ZCCHC14: variants seen among roughly 807,000 people sequenced by gnomAD.
The protein encoded by ZCCHC14 is zinc finger CCHC domain-containing protein 14.
ZCCHC14 carries 16 observed loss-of-function variants against 85.0 expected under a neutral mutation model. The ratio of observed to expected loss-of-function variants is 0.19; its 90% confidence interval spans 0.13 to 0.29. The LOEUF (loss-of-function observed/expected upper bound fraction) is 0.29. Among genes scored for constraint, ZCCHC14 ranks in the 10% least tolerant of loss-of-function variants. ZCCHC14 has a pLI of 1.00. For missense variants in ZCCHC14, 1,303 were observed against 1,443.5 expected (o/e 0.90, Z 1.58); for synonymous variants, 775 against 630.7 (o/e 1.23, Z -3.43).
chr16:87,454,233 GAAGA>G (rs1910844936), intron 2 of ZCCHC14, among the ~76,000 whole-genome samples: 1 of 152,060 alleles, frequency 6.6e-6, no homozygotes, highest in Admixed American at 6.6e-5. Context: ...GGAGAATGAG[GAAGA>G]AAGAATACTT....
intron 2 of ZCCHC14, among the ~76,000 whole-genome samples, chr16:87,449,620 A>G (rs548314552): frequency 6.6e-6 from 1 of 152,322 alleles, no homozygotes; most frequent in South Asian, 2.1e-4. Flanking sequence ...ATTTGCTTTC[A>G]AGGTATCTTT....
At chr16:87,419,269 C>T (rs551585053) in intron 6 of ZCCHC14, among the ~76,000 whole-genome samples, 1 of 151,100 alleles carries the variant, frequency 6.6e-6, no homozygotes, top group East Asian at 1.9e-4. Context: ...GCTGGGATTA[C>T]AGGAGCCTGC....
rs1597403333 is a variant in ZCCHC14, at chr16:87,419,761, TAACCA to T, written c.1045+17_1045+21del. 1 of 1,563,240 alleles carries T rather than the reference TAACCA, an allele frequency of 6.4e-7. No homozygotes were observed. Among genetic ancestry groups the T allele is most frequent in the Non-Finnish European group, 8.6e-7 (1 of 1,158,120 alleles). On this transcript the variant is annotated intron_variant, in intron 6 of 12. Transcript: ENST00000671377. Reference sequence around the variant, plus strand: ...GTTTTTTTTTTTTTTAATTTATATTTAACCATATTTTACAAACTCACTTGGACTCT... The same window carrying T: ...GTTTTTTTTTTTTTTAATTTATATTTTATTTTACAAACTCACTTGGACTCT...
chr16:87,444,931 T>A (rs955981537), intron 2 of ZCCHC14, among the ~76,000 whole-genome samples: 1 of 152,226 alleles, frequency 6.6e-6, no homozygotes, highest in African/African-American at 2.4e-5. Flanking sequence ...CAGTACTTAT[T>A]GTTTGCAGAA....
chr16:87,435,723 C>T (rs1047760305), intron 2 of ZCCHC14, among the ~76,000 whole-genome samples: 2 of 152,266 alleles, frequency 1.3e-5, no homozygotes, highest in East Asian at 3.8e-4. Context: ...GTGCATCTCA[C>T]GGATGCGGGA....
At chr16:87,487,206 G>A (rs1288427310) in intron 1 of ZCCHC14, among the ~76,000 whole-genome samples, 1 of 152,182 alleles carries the variant, frequency 6.6e-6, no homozygotes, top group Non-Finnish European at 1.5e-5. Context: ...GCCACAGAGA[G>A]TTCCAGAACT....
intron 4 of ZCCHC14, among the ~76,000 whole-genome samples, 166 bp downstream of exon 4, chr16:87,423,644 T>A (rs559548113): frequency 6.6e-6 from 1 of 152,366 alleles, no homozygotes; most frequent in Non-Finnish European, 1.5e-5. Flanking sequence ...GCAACGCTCA[T>A]GTCAGCAGCG....
intron 2 of ZCCHC14, among the ~76,000 whole-genome samples, chr16:87,448,316 C>G (rs1013370676): frequency 6.6e-6 from 1 of 152,196 alleles, no homozygotes; most frequent in African/African-American, 2.4e-5. Flanking sequence ...GGTTTCTTCA[C>G]AGGTGAAATC....
intron 8 of ZCCHC14, 121 bp from the exon 9 acceptor site, chr16:87,415,488 T>C (rs1473708220): frequency 2.5e-6 from 2 of 806,000 alleles, no homozygotes; most frequent in African/African-American, 3.5e-5. Flanking sequence ...CAGATCCAGC[T>C]GAACTCAGCA....
chr16:87,439,137 C>CTT (rs551734590), intron 2 of ZCCHC14, among the ~76,000 whole-genome samples: 144 of 145,750 alleles, frequency 9.9e-4, no homozygotes, highest in African/African-American at 1.2e-3. Context: ...CATACAAGTT[C>CTT]TTTTTTTTTT....
intron 2 of ZCCHC14, among the ~76,000 whole-genome samples, chr16:87,442,454 G>C (rs1228006832): frequency 6.6e-6 from 1 of 152,170 alleles, no homozygotes. Context: ...AACTACCAAA[G>C]ACACAGAAGC....
intron 10 of ZCCHC14, among the ~76,000 whole-genome samples, 166 bp downstream of exon 10, chr16:87,414,244 CCTCT>C (rs1006819000): frequency 6.6e-6 from 1 of 151,744 alleles, no homozygotes; most frequent in African/African-American, 2.4e-5. Flanking sequence ...GCACACCGGC[CCTCT>C]CTGTGTACGA....
In ZCCHC14 at chr16:87,414,513, G is replaced by A. The variant is rs768347990; in HGVS notation, c.1504C>T (p.Pro502Ser). The A allele has an allele frequency of 1.9e-6, 3 of 1,612,896 alleles. No homozygotes were observed. Among genetic ancestry groups the A allele is most frequent in the Admixed American group, 1.7e-5 (1 of 59,946 alleles). The change falls in exon 10 of 13, where the codon CCC becomes TCC. Residue 502 changes from proline (P) to serine (S), a missense_variant. Pro to Ser is a moderately conservative substitution (Grantham distance 74). Around this residue, in one of 7 missense-constraint regions of ZCCHC14, gnomAD observed 58 missense variants for 88.2 expected, o/e 0.66. Coordinates refer to ENST00000671377, the MANE Select transcript of ZCCHC14 (RefSeq NM_015144.3). ...KEKSERRCLN[P>S]SAPPLVTSSG... ...CTGGTGACCAGCGGCGGGGCCGAGG[G>A]GTTCAGGCACCGTCTCTCTGACTTC...
rs1301119395 is a variant in ZCCHC14 at position 87,467,797 on chromosome 16, G to A, written c.571-7666C>T. On this transcript the variant is annotated intron_variant, in intron 1 of 12. Transcript: ENST00000671377. ...TTCTCAAGTAGCTGGGACTACAGGC[G>A]CGCACCACCACGCCCGGCTAATTTT... is the stretch of plus-strand genomic sequence containing the variant. 6.5e-5 allele frequency: 31 copies of A among 474,204 alleles called. No homozygotes were observed. The East Asian group carries it at 8.4e-4, about 13-fold the overall frequency. The allele number at this position is 474,204 out of a possible 1,614,324, so 29.4% of individuals were successfully genotyped here. A position where few individuals can be genotyped will look rare whatever the true frequency, so the allele number is the denominator to read the frequency against.
In ZCCHC14 at chr16:87,492,164, G is replaced by A. The variant is rs1054572482; in HGVS notation, c.75C>T (p.Arg25=). ...RWFSELPSPQ[R]VEFLCGLLDL... is the part of the protein sequence containing the mutation. ...CCAGCAGGCCGCACAGGAACTCCAC[G>A]CGCTGCGGCGACGGCAGCTCCGAGA... The change falls in exon 1 of 13, where the codon CGC becomes CGT. Residue 25 remains arginine, a synonymous_variant. Coordinates refer to ENST00000671377, the MANE Select transcript of ZCCHC14 (RefSeq NM_015144.3). The surrounding 1 kb of genome is among the most constrained non-coding windows in gnomAD (Gnocchi z 6.7). 16 of 1,221,588 alleles carry A rather than the reference G, an allele frequency of 1.3e-5. No homozygotes were observed. The highest frequency in any genetic ancestry group is 1.6e-5 in the Non-Finnish European group (16 of 979,778). The allele number at this position is 1,221,588 out of a possible 1,614,324, so 75.7% of individuals were successfully genotyped here. A position where few individuals can be genotyped will look rare whatever the true frequency, so the allele number is the denominator to read the frequency against.
intron 2 of ZCCHC14, among the ~76,000 whole-genome samples, chr16:87,443,736 C>G (rs937392826): frequency 6.6e-6 from 1 of 151,458 alleles, no homozygotes; most frequent in African/African-American, 2.4e-5. Context: ...GATACTATCT[C>G]AAAAACAAAA....
intron 1 of ZCCHC14, among the ~76,000 whole-genome samples, chr16:87,480,586 G>A (rs1208705562): frequency 2.0e-5 from 3 of 152,124 alleles, no homozygotes; most frequent in Admixed American, 6.6e-5. Context: ...AAAAGAAAAA[G>A]CCAAAGGGAA....
intron 1 of ZCCHC14, among the ~76,000 whole-genome samples, chr16:87,478,470 C>A (rs1168791930): frequency 6.6e-6 from 1 of 152,158 alleles, no homozygotes; most frequent in Non-Finnish European, 1.5e-5. Flanking sequence ...TACCAGGAAC[C>A]TGGAGTCAGG....
chr16:87,475,212 C>G (rs766759690), intron 1 of ZCCHC14, among the ~76,000 whole-genome samples: 1 of 152,120 alleles, frequency 6.6e-6, no homozygotes, highest in Non-Finnish European at 1.5e-5. Context: ...TTAGGCTGGA[C>G]AAGCCAAACG....
Sources: gnomAD v4.1 joint callset for allele counts (sites outside exome capture counted in the v4.1 genomes callset) on GRCh38, gnomAD v4.1.1 for gene constraint, gnomAD v4.1.1 regional missense constraint, Gnocchi (gnomAD v3.1) non-coding constraint, MANE v1.5 for transcripts, NCBI Gene and HGNC (gene_info 2026-07-23, HGNC 2026-07-21) for gene names.